The following NBEA variants were observed in gnomAD, a reference collection of about 807,000 sequenced individuals.
The protein encoded by NBEA is neurobeachin.
NBEA carries 44 observed loss-of-function variants against 343.4 expected under a neutral mutation model. That is an observed-to-expected ratio of 0.13 (90% confidence interval 0.10 to 0.16). The LOEUF (loss-of-function observed/expected upper bound fraction) is 0.16. NBEA is among the 10% of genes least tolerant of loss of function. NBEA has a pLI of 1.00. For synonymous variants in NBEA, 1,175 were observed against 1,238.7 expected, an observed-to-expected ratio of 0.95 and a Z score of 1.08; for missense variants, 2,555 against 3,631.3, an observed-to-expected ratio of 0.70 and a Z score of 7.62.
At chr13:35,430,522 G>A (rs1040375019) in intron 38 of NBEA, among the ~76,000 whole-genome samples, 3 of 152,126 alleles carry the variant, frequency 2.0e-5, no homozygotes, top group South Asian at 4.1e-4. Flanking sequence ...CTTTGCCTAA[G>A]CCAATGTCTA....
At chr13:35,372,346 T>C (rs905228591) in intron 38 of NBEA, among the ~76,000 whole-genome samples, 3 of 152,072 alleles carry the variant, frequency 2.0e-5, no homozygotes, top group Non-Finnish European at 4.4e-5. Flanking sequence ...GCAAATTGGG[T>C]GGGCCCATCC....
At chr13:35,058,445 TTAAC>T (rs1376625369) in intron 7 of NBEA, among the ~76,000 whole-genome samples, 3 of 152,090 alleles carry the variant, frequency 2.0e-5, no homozygotes, top group Admixed American at 6.6e-5. Flanking sequence ...TATTTTGCCT[TTAAC>T]TATAGTATTT....
At chr13:35,168,947 CT>C in intron 24 of NBEA, 39 bp from the exon 25 acceptor site, 5 of 1,338,008 alleles carry the variant, frequency 3.7e-6, no homozygotes, top group Admixed American at 2.5e-5. Flanking sequence ...TTTTCTTGTA[CT>C]TTTTGGTCTG....
rs779538521 is a variant in NBEA, at chr13:35,654,871, A to T, written c.8052A>T (p.Val2684=). 7.0e-6 allele frequency: 11 copies of T among 1,574,604 alleles called. No individual in the cohort carries two copies. Among genetic ancestry groups the T allele is most frequent in the Non-Finnish European group, 8.6e-6 (10 of 1,166,658 alleles). ...MDPLIANNSG[V]NKRQITDLVD... ...TACTTTTAGCCAATAATTCAGGTGT[A>T]AACAAACGGCAGATCACAGACCTCG... The change falls in exon 54 of 59, where the codon GTA becomes GTT. Residue 2684 remains valine, a synonymous_variant. Coordinates refer to ENST00000379939, the MANE Select transcript of NBEA (RefSeq NM_001385012.1).
chr13:35,012,178 T>C (rs1184719795), intron 1 of NBEA, among the ~76,000 whole-genome samples: 1 of 152,248 alleles, frequency 6.6e-6, no homozygotes, highest in Non-Finnish European at 1.5e-5. Context: ...CTCACAGTTT[T>C]GGAAGCTGGG....
intron 1 of NBEA, among the ~76,000 whole-genome samples, chr13:35,036,682 G>T (rs2062454531): frequency 6.6e-6 from 1 of 151,888 alleles, no homozygotes; most frequent in Non-Finnish European, 1.5e-5. Flanking sequence ...CTATTCTAGG[G>T]TAAAAGGATT....
chr13:35,571,545 G>A (rs539342158), intron 45 of NBEA, among the ~76,000 whole-genome samples: 4 of 152,240 alleles, frequency 2.6e-5, no homozygotes, highest in South Asian at 2.1e-4. Context: ...TTTTAACACC[G>A]TAAAGTAGTT....
At chr13:35,212,162 C>CCCAGTCACTGTTCTTGCTTTTCTT (rs1370047169) in intron 33 of NBEA, among the ~76,000 whole-genome samples, 3 of 152,152 alleles carry the variant, frequency 2.0e-5, no homozygotes, top group Non-Finnish European at 2.9e-5. Flanking sequence ...GCACTTTTTT[C>CCCAGTCACTGTTCTTGCTTTTCTT]CCAGTCACTG....
At chr13:35,070,904 T>C (rs1180186111) in intron 10 of NBEA, 52 bp downstream of exon 10, 17 of 1,586,662 alleles carry the variant, frequency 1.1e-5, no homozygotes, top group Admixed American at 1.7e-5. Flanking sequence ...CACTTAAGAC[T>C]ATGCATGATG....
intron 1 of NBEA, among the ~76,000 whole-genome samples, chr13:34,958,206 A>T (rs1386691479): frequency 6.6e-6 from 1 of 152,096 alleles, no homozygotes; most frequent in African/African-American, 2.4e-5. Context: ...ACCTCACATT[A>T]TATTTCTTTT....
At chr13:35,120,305 T>C (rs918916877) in intron 16 of NBEA, among the ~76,000 whole-genome samples, 11 of 152,142 alleles carry the variant, frequency 7.2e-5, no homozygotes, top group Non-Finnish European at 1.5e-4. Context: ...TAAAAGGCCT[T>C]GTGCTCATGG....
intron 46 of NBEA, among the ~76,000 whole-genome samples, chr13:35,584,855 T>G (rs2081223331): frequency 6.6e-6 from 1 of 151,686 alleles, no homozygotes; most frequent in African/African-American, 2.4e-5. Context: ...GGTCTCTCAC[T>G]TTTGTTCTCC....
intron 38 of NBEA, among the ~76,000 whole-genome samples, chr13:35,426,339 C>T (rs1308231025): frequency 1.3e-5 from 2 of 152,128 alleles, no homozygotes; most frequent in African/African-American, 4.8e-5. Flanking sequence ...TTAGGGCAGG[C>T]CTGGTAGTGA....
chr13:35,093,516 T>C (rs2065188447), intron 10 of NBEA, among the ~76,000 whole-genome samples: 1 of 151,954 alleles, frequency 6.6e-6, no homozygotes, highest in Non-Finnish European at 1.5e-5. Context: ...CTATTTCTCT[T>C]AAATAGGTTG....
At chr13:35,516,184 GA>G (rs1252037602) in intron 41 of NBEA, among the ~76,000 whole-genome samples, 1 of 152,078 alleles carries the variant, frequency 6.6e-6, no homozygotes, top group African/African-American at 2.4e-5. Context: ...ATTAATTTGG[GA>G]ACAAGAAGCC....
chr13:35,500,711 CTTCT>C (rs1344359709), intron 41 of NBEA, among the ~76,000 whole-genome samples: 1,927 of 17,076 alleles, frequency 0.11, 22 homozygotes, highest in Middle Eastern at 0.2. Flanking sequence ...TTTCCTGGCT[CTTCT>C]TTTTTTTTTT....
chr13:35,293,151 A>G (rs2035903385), intron 35 of NBEA, among the ~76,000 whole-genome samples: 1 of 151,992 alleles, frequency 6.6e-6, no homozygotes. Context: ...TTTACGTGAG[A>G]TCATATTACA....
chr13:35,477,725 A>C (rs1256090059), intron 41 of NBEA, among the ~76,000 whole-genome samples: 1 of 152,194 alleles, frequency 6.6e-6, no homozygotes, highest in African/African-American at 2.4e-5. Context: ...CTAATTTTAT[A>C]CTATTTCGTG....
At chr13:35,368,911 A>G (rs1031838370) in intron 38 of NBEA, among the ~76,000 whole-genome samples, 1 of 151,686 alleles carries the variant, frequency 6.6e-6, no homozygotes, top group Non-Finnish European at 1.5e-5. Flanking sequence ...TTCAGATGCT[A>G]AGGTTAGAAA....
Sources: gnomAD v4.1 joint callset for allele counts (sites outside exome capture counted in the v4.1 genomes callset) on GRCh38, gnomAD v4.1.1 for gene constraint, MANE v1.5 for transcripts, NCBI Gene and HGNC (gene_info 2026-07-23, HGNC 2026-07-21) for gene names.